Variants in SEL1L2 observed in about 807,000 individuals in gnomAD.
SEL1L2 encodes the protein SEL1L2 adaptor subunit of SYVN1 ubiquitin ligase, also known as protein sel-1 homolog 2.
Under a neutral mutation model 98.8 loss-of-function variants are expected in SEL1L2, and 89 were observed. That is an observed-to-expected ratio of 0.90 (90% CI 0.76 to 1.07). The LOEUF (loss-of-function observed/expected upper bound fraction) is 1.07, where lower values mean the gene tolerates loss of function less well. Ranked by LOEUF, SEL1L2 falls within the 50% of genes least tolerant of loss-of-function variation. The pLI, the probability that SEL1L2 is intolerant of heterozygous loss-of-function variation, is 0.00. For missense variants in SEL1L2, 788 were observed against 812.0 expected (o/e 0.97, Z 0.36); for synonymous variants, 262 against 278.5 (o/e 0.94, Z 0.59).
At chr20:13,914,677 T>G (rs1354053517) in intron 4 of SEL1L2, among the ~76,000 whole-genome samples, 1 of 152,204 alleles carries the variant, frequency 6.6e-6, no homozygotes, top group Non-Finnish European at 1.5e-5. Context: ...TTAAATGAGA[T>G]AATCCATGGG....
chr20:13,924,079 T>C (rs897554163), intron 3 of SEL1L2, among the ~76,000 whole-genome samples: 1 of 152,216 alleles, frequency 6.6e-6, no homozygotes, highest in Non-Finnish European at 1.5e-5. Context: ...CTCCCTATTA[T>C]TGACTTTACC....
At chr20:13,902,712 GAAAA>G (rs5840587) in intron 5 of SEL1L2, among the ~76,000 whole-genome samples, 2 of 151,816 alleles carry the variant, frequency 1.3e-5, no homozygotes, top group East Asian at 1.9e-4. Context: ...TTTAGTAGAA[GAAAA>G]AACGTCTGGT....
intron 4 of SEL1L2, among the ~76,000 whole-genome samples, chr20:13,914,632 A>AT (rs766021452): frequency 4.6e-5 from 7 of 152,216 alleles, no homozygotes; most frequent in African/African-American, 7.2e-5. Flanking sequence ...TGGGGATAGC[A>AT]TTATAGCACC....
intron 3 of SEL1L2, among the ~76,000 whole-genome samples, chr20:13,925,417 GT>G (rs2048846957): frequency 6.6e-6 from 1 of 152,184 alleles, no homozygotes; most frequent in Non-Finnish European, 1.5e-5. Flanking sequence ...TGTGGTTAAG[GT>G]TTTACCAGGG....
chr20:13,855,080 G>T (rs1295561263), intron 18 of SEL1L2, among the ~76,000 whole-genome samples: 1 of 151,552 alleles, frequency 6.6e-6, no homozygotes, highest in Non-Finnish European at 1.5e-5. Flanking sequence ...AAAAATCTGG[G>T]GTTCCTTGAG....
At chr20:13,956,214 ACTT>A in intron 1 of SEL1L2, 83 bp from the exon 2 acceptor site, 2 of 707,192 alleles carry the variant, frequency 2.8e-6, no homozygotes, top group Non-Finnish European at 4.6e-6. Context: ...TGTTAAAAAA[ACTT>A]CTAGAAAACT....
At chr20:13,932,592 TA>T (rs1022918219) in intron 2 of SEL1L2, among the ~76,000 whole-genome samples, 6 of 151,852 alleles carry the variant, frequency 4.0e-5, no homozygotes, top group African/African-American at 9.7e-5. Flanking sequence ...CCACCGTGCC[TA>T]GCTAATTTTT....
chr20:13,931,898 G>A, intron 2 of SEL1L2, 127 bp from the exon 3 acceptor site: 1 of 669,706 alleles, frequency 1.5e-6, no homozygotes, highest in Non-Finnish European at 2.2e-6. Context: ...TCTAATTCTT[G>A]CTTTTTTCAA....
chr20:13,912,303 T>A (rs911075114), intron 5 of SEL1L2, among the ~76,000 whole-genome samples: 3 of 148,330 alleles, frequency 2.0e-5, no homozygotes. Context: ...TTTTTTTTTT[T>A]TTTTTTTTTT....
At chr20:13,992,890 C>A (rs2052569735), upstream of SEL1L2, among the ~76,000 whole-genome samples, 1 of 151,996 alleles carries the variant, frequency 6.6e-6, no homozygotes, top group South Asian at 2.1e-4. Context: ...AGGCCTCAGT[C>A]CTATTAACCT....
chr20:13,886,947 A>G (rs1222650093), intron 8 of SEL1L2, among the ~76,000 whole-genome samples: 9 of 152,098 alleles, frequency 5.9e-5, no homozygotes, highest in Admixed American at 3.3e-4. Flanking sequence ...TTTGCAACCT[A>G]TACAAGTATG....
intron 16 of SEL1L2, 30 bp downstream of exon 16, chr20:13,865,319 G>C: frequency 1.9e-6 from 3 of 1,611,610 alleles, no homozygotes; most frequent in Non-Finnish European, 2.5e-6. Context: ...GTATGATTGG[G>C]GGATTGCAGA....
chr20:13,909,051 C>A (rs2048104905), intron 5 of SEL1L2, among the ~76,000 whole-genome samples: 1 of 148,706 alleles, frequency 6.7e-6, no homozygotes, highest in Non-Finnish European at 1.5e-5. Flanking sequence ...TCTGACTGTT[C>A]TTCCCTTTTC....
chr20:13,853,612 T>G (rs976875568), intron 18 of SEL1L2, among the ~76,000 whole-genome samples: 1 of 152,228 alleles, frequency 6.6e-6, no homozygotes, highest in Admixed American at 6.5e-5. Context: ...CATTTAATCT[T>G]CAGGACAATT....
At chr20:13,978,004 C>G (rs543292112) in intron 1 of SEL1L2, among the ~76,000 whole-genome samples, 1 of 152,110 alleles carries the variant, frequency 6.6e-6, no homozygotes, top group African/African-American at 2.4e-5. Flanking sequence ...AAAAAACAGC[C>G]ATTAATTTTG....
At chr20:13,889,083 C>T (rs2047092383) in intron 5 of SEL1L2, among the ~76,000 whole-genome samples, 1 of 151,758 alleles carries the variant, frequency 6.6e-6, no homozygotes, top group South Asian at 2.1e-4. Flanking sequence ...CCTCAGCTGC[C>T]CAAGTAGCTG....
At chr20:13,994,838 T>C (rs2052603643), upstream of SEL1L2, among the ~76,000 whole-genome samples, 2 of 152,232 alleles carry the variant, frequency 1.3e-5, no homozygotes, top group South Asian at 4.1e-4. Flanking sequence ...TTCTTGGTTC[T>C]TAAAACCGTC....
intron 5 of SEL1L2, among the ~76,000 whole-genome samples, chr20:13,912,337 G>A (rs964244866): frequency 1.0e-4 from 14 of 134,722 alleles, no homozygotes; most frequent in African/African-American, 2.3e-4. Flanking sequence ...TTGCTCTGTC[G>A]CCCACGTTGG....
At chr20:13,877,273 C>T (rs536425435) in intron 11 of SEL1L2, among the ~76,000 whole-genome samples, 1 of 152,316 alleles carries the variant, frequency 6.6e-6, no homozygotes, top group South Asian at 2.1e-4. Flanking sequence ...GCCTGCTGCC[C>T]TGTCCCTCTA....
Sources: gnomAD v4.1 joint callset for allele counts (sites outside exome capture counted in the v4.1 genomes callset) on GRCh38, gnomAD v4.1.1 for gene constraint, MANE v1.5 for transcripts, NCBI Gene and HGNC (gene_info 2026-07-23, HGNC 2026-07-21) for gene names.